Variants in CSMD1 observed in about 807,000 individuals in gnomAD.
CSMD1 encodes the protein CUB and sushi domain-containing protein 1.
A neutral mutation model predicts 417.5 loss-of-function variants in CSMD1; 213 were observed. The ratio of observed to expected loss-of-function variants is 0.51; its 90% CI spans 0.46 to 0.57. The LOEUF (loss-of-function observed/expected upper bound fraction) is 0.57. Ranked by LOEUF, CSMD1 falls within the 20% of genes least tolerant of loss-of-function variation. The pLI is 0.00. For missense variants in CSMD1, 6,923 were observed against 4,529.7 expected, an observed-to-expected ratio of 1.53 and a Z score of -15.17; for synonymous variants, 2,862 against 1,736.8, an observed-to-expected ratio of 1.65 and a Z score of -16.11.
intron 6 of CSMD1, among the ~76,000 whole-genome samples, chr8:3,719,588 G>T (rs1181038824): frequency 1.3e-5 from 2 of 152,150 alleles, no homozygotes; most frequent in Non-Finnish European, 1.5e-5. Flanking sequence ...TCTCTTGCAA[G>T]AGTGCTGTGA....
At chr8:4,511,328 C>A (rs1052738809) in intron 2 of CSMD1, among the ~76,000 whole-genome samples, 15 of 152,286 alleles carry the variant, frequency 9.8e-5, no homozygotes, top group African/African-American at 3.4e-4. Context: ...ATAGACAGCA[C>A]AGGAAAGTGA....
At chr8:4,253,667 C>A (rs61039530) in intron 3 of CSMD1, among the ~76,000 whole-genome samples, 17,104 of 151,604 alleles carry the variant, frequency 0.11, 1,440 homozygotes, top group East Asian at 0.33. Flanking sequence ...CAATCGTTTG[C>A]AACATACATT....
intron 10 of CSMD1, among the ~76,000 whole-genome samples, chr8:3,557,832 C>G (rs192904112): frequency 4.6e-5 from 7 of 152,296 alleles, no homozygotes; most frequent in African/African-American, 7.2e-5. Context: ...AGCATTATCA[C>G]CCTTTACTCC....
intron 2 of CSMD1, among the ~76,000 whole-genome samples, chr8:4,466,721 TACA>T (rs1451508521): frequency 2.0e-5 from 3 of 152,118 alleles, no homozygotes; most frequent in Non-Finnish European, 4.4e-5. Context: ...TAAAATGGTG[TACA>T]ACAAATACAT....
chr8:4,011,570 G>A (rs563930660), intron 4 of CSMD1, among the ~76,000 whole-genome samples: 2 of 152,122 alleles, frequency 1.3e-5, no homozygotes, highest in African/African-American at 4.8e-5. Flanking sequence ...AAATCCAAGA[G>A]TCAGTTCCTA....
intron 68 of CSMD1, among the ~76,000 whole-genome samples, chr8:2,948,584 A>C (rs1231426662): frequency 6.6e-6 from 1 of 152,174 alleles, no homozygotes; most frequent in African/African-American, 2.4e-5. Flanking sequence ...CATAGGTAGT[A>C]TAATTTGTTA....
Position 3,343,430 on chromosome 8 carries a change from A to C in CSMD1, c.3495T>G (p.Ser1165Arg). Residue 1165 changes from serine to arginine, a missense_variant, in exon 23 of 70, where the codon AGT becomes AGG. Physicochemically the swap from Ser to Arg is moderately radical, Grantham distance 110 (BLOSUM62 -1). Transcript: ENST00000635120. ...DTLKVYDGKDSSSRPLGTFTK... is the reference protein window; with the variant it reads ...DTLKVYDGKDRSSRPLGTFTK... ...TGAACGTGCCCAGTGGACGTGAGGAACTGTCTTTTCCATCATATACCTGAT... is the reference window on the plus strand; with the variant it reads ...TGAACGTGCCCAGTGGACGTGAGGACCTGTCTTTTCCATCATATACCTGAT... 6.2e-7 allele frequency: 1 copy of C among 1,613,738 alleles called. No homozygotes were observed. Among genetic ancestry groups the C allele is most frequent in the Non-Finnish European group, 8.5e-7 (1 of 1,179,732 alleles).
intron 2 of CSMD1, among the ~76,000 whole-genome samples, chr8:4,613,556 A>C (rs1025146719): frequency 1.7e-4 from 26 of 152,220 alleles, no homozygotes; most frequent in Non-Finnish European, 2.6e-4. Context: ...TTCACACACA[A>C]TGACTACAGT....
chr8:4,617,692 G>C (rs763424662), intron 2 of CSMD1, among the ~76,000 whole-genome samples: 56 of 152,138 alleles, frequency 3.7e-4, no homozygotes, highest in Non-Finnish European at 6.5e-4. Flanking sequence ...AGCCCTCAGT[G>C]AATCTGTTCT....
At chr8:3,234,663 G>A (rs1799045237) in intron 26 of CSMD1, among the ~76,000 whole-genome samples, 1 of 152,190 alleles carries the variant, frequency 6.6e-6, no homozygotes, top group African/African-American at 2.4e-5. Context: ...AAGCCTGGGA[G>A]AGCAGAGGAA....
chr8:4,881,862 T>C (rs1803424359), intron 1 of CSMD1, among the ~76,000 whole-genome samples: 2 of 152,084 alleles, frequency 1.3e-5, no homozygotes, highest in Admixed American at 1.3e-4. Context: ...TTTTGTTTTG[T>C]TATTTTTCAA....
chr8:3,806,551 C>T (rs1387646475), intron 5 of CSMD1, among the ~76,000 whole-genome samples: 1 of 152,168 alleles, frequency 6.6e-6, no homozygotes, highest in African/African-American at 2.4e-5. Context: ...TACCTACACG[C>T]ACACTTATCA....
At chr8:3,967,183 C>G (rs1046253489) in intron 5 of CSMD1, among the ~76,000 whole-genome samples, 1 of 152,180 alleles carries the variant, frequency 6.6e-6, no homozygotes, top group Non-Finnish European at 1.5e-5. Flanking sequence ...TTTTCACTTT[C>G]TAACTTGATT....
chr8:3,741,901 A>T (rs1706971050), intron 6 of CSMD1, among the ~76,000 whole-genome samples: 1 of 151,966 alleles, frequency 6.6e-6, no homozygotes, highest in Admixed American at 6.6e-5. Context: ...TGTGAGTCAT[A>T]TTCTGGCCCA....
At chr8:4,322,160 C>T (rs1799305446) in intron 3 of CSMD1, among the ~76,000 whole-genome samples, 1 of 152,054 alleles carries the variant, frequency 6.6e-6, no homozygotes, top group South Asian at 2.1e-4. Context: ...TTTGAAATAA[C>T]ATTGCTAAAA....
At chr8:4,835,673 T>A (rs1289379699) in intron 1 of CSMD1, among the ~76,000 whole-genome samples, 1 of 152,194 alleles carries the variant, frequency 6.6e-6, no homozygotes, top group African/African-American at 2.4e-5. Flanking sequence ...ATGTAACATT[T>A]TTCTTTTATT....
intron 18 of CSMD1, among the ~76,000 whole-genome samples, chr8:3,370,929 T>C (rs2116712854): frequency 6.6e-6 from 1 of 151,544 alleles, no homozygotes; most frequent in Non-Finnish European, 1.5e-5. Flanking sequence ...TGAGCTGAGA[T>C]CACGCCATTG....
chr8:3,409,697 T>C (rs1223851063), intron 12 of CSMD1, 92 bp from the exon 13 acceptor site: 8 of 971,044 alleles, frequency 8.2e-6, no homozygotes, highest in Non-Finnish European at 1.2e-5. Context: ...GTGGCTTCTT[T>C]TTGCTGAACT....
intron 1 of CSMD1, among the ~76,000 whole-genome samples, chr8:4,825,375 C>G (rs1251461728): frequency 6.6e-6 from 1 of 152,078 alleles, no homozygotes; most frequent in Non-Finnish European, 1.5e-5. Flanking sequence ...GATTTATTCG[C>G]TTCACCAGTT....
Sources: gnomAD v4.1 joint callset for allele counts (sites outside exome capture counted in the v4.1 genomes callset) on GRCh38, gnomAD v4.1.1 for gene constraint, MANE v1.5 for transcripts, NCBI Gene and HGNC (gene_info 2026-07-23, HGNC 2026-07-21) for gene names.